The following CD82 variants were observed in gnomAD, a reference collection of about 807,000 sequenced individuals.
The protein encoded by CD82 is CD82 molecule, also known as CD82 antigen.
CD82 carries 36 observed loss-of-function variants against 37.4 expected under a neutral mutation model. The ratio of observed to expected loss-of-function variants is 0.96; its 90% CI spans 0.74 to 1.27. CD82 has a LOEUF of 1.27. CD82 is among the 50% of genes most tolerant of loss of function. The pLI, the probability that CD82 is intolerant of heterozygous loss-of-function variation, is 0.00. For synonymous variants in CD82, 158 were observed against 137.4 expected (o/e 1.15, Z -1.05); for missense variants, 340 against 347.0 (o/e 0.98, Z 0.16).
chr11:44,615,439 A>C, intron 7 of CD82, 66 bp downstream of exon 7: 2 of 960,180 alleles, frequency 2.1e-6, no homozygotes, highest in South Asian at 1.3e-5. Flanking sequence ...GGCTCTGTGC[A>C]CCCACATGTC....
chr11:44,613,215 T>A (rs3758815), intron 6 of CD82, among the ~76,000 whole-genome samples: 115,346 of 152,126 alleles, frequency 0.76, 44,137 homozygotes, highest in East Asian at 0.91. Flanking sequence ...CCCCACTGCC[T>A]TGACCAGTCC....
chr11:44,602,347 G>T (rs10838313), intron 4 of CD82, among the ~76,000 whole-genome samples: 2 of 152,138 alleles, frequency 1.3e-5, no homozygotes, highest in African/African-American at 4.8e-5. Context: ...AATGAGGATC[G>T]TAATAGAGTG....
At chr11:44,591,842 G>C (rs532271295) in intron 2 of CD82, among the ~76,000 whole-genome samples, 164 of 128,888 alleles carry the variant, frequency 1.3e-3, no homozygotes, top group African/African-American at 4.4e-3. Flanking sequence ...TATTTTTTTT[G>C]AGACAAAGTC....
rs778852327 is a variant in CD82, at chr11:44,605,440, C to T, written c.336+11C>T. The T allele has an allele frequency of 1.2e-6, 2 of 1,612,372 alleles. No homozygotes were observed. The highest frequency in any genetic ancestry group is 1.7e-6 in the Non-Finnish European group (2 of 1,178,398). ...TTCAACATGGGCAAGGTAAGCCCCT[C>T]TCTCCCTCCCTCTTCACTGGGCTGG... On this transcript the variant is annotated intron_variant, in intron 6 of 9. Transcript: ENST00000227155.
intron 3 of CD82, chr11:44,596,951 T>C: frequency 2.2e-6 from 1 of 456,190 alleles, no homozygotes; most frequent in Non-Finnish European, 4.4e-6. Flanking sequence ...CAGATGAGGC[T>C]CTTGGCCTGG....
Position 44,619,066 on chromosome 11 carries a change from G to T in CD82, c.744G>T (p.Leu248=). The stretch of plus-strand genomic sequence containing the variant: ...CCCCACAGCTCCTGGGGATGGTCCT[G>T]TCCATCTGCTTGTGCCGGCACGTCC... ...VAIIELLGMV[L]SICLCRHVHS... The change falls in exon 10 of 10, where the codon CTG becomes CTT. Residue 248 remains leucine, a synonymous_variant. Coordinates refer to ENST00000227155, the MANE Select transcript of CD82 (RefSeq NM_002231.4). The T allele has an allele frequency of 6.2e-7, 1 of 1,613,792 alleles. No individual in the cohort carries two copies. The highest frequency in any genetic ancestry group is 8.5e-7 in the Non-Finnish European group (1 of 1,179,958).
chr11:44,610,662 GTCTC>G (rs1853467510), intron 6 of CD82, among the ~76,000 whole-genome samples: 1 of 152,128 alleles, frequency 6.6e-6, no homozygotes, highest in Non-Finnish European at 1.5e-5. Flanking sequence ...GTCTGGTCAT[GTCTC>G]TGCTGCTTTC....
In CD82 at chr11:44,607,811, G is replaced by A. The variant is rs547728752; in HGVS notation, c.336+2382G>A. On this transcript the variant is annotated intron_variant, in intron 6 of 9. Coordinates refer to ENST00000227155, the MANE Select transcript of CD82 (RefSeq NM_002231.4). ...AGGCCCATGCCTCCCTATCCACCAC[G>A]CTGCCCTCCCGCCGGCTGGGTAACT... Among the ~76,000 whole-genome samples the A allele has an allele frequency of 3.9e-5, 6 of 152,246 alleles. No individual in the cohort carries two copies. In the South Asian group the frequency reaches 8.3e-4, roughly 21 times the overall value.
At position 44,597,183 on chromosome 11, in the gene CD82, GC is replaced by G. The variant is rs1344442515; in HGVS notation, c.63+2459del. 6.6e-6 allele frequency among the ~76,000 whole-genome samples: 1 copy of G among 152,228 alleles called. No homozygotes were observed. The highest frequency in any genetic ancestry group is 1.5e-5 in the Non-Finnish European group (1 of 68,042). On this transcript the variant is annotated intron_variant, in intron 3 of 9. Transcript: ENST00000227155. The surrounding 1 kb of genome is among the most constrained non-coding windows in gnomAD (Gnocchi z 4.1). ...TGTGTGCTCGCGCCTGCGTGCATGT[GC>G]ACCTGTATGTCTTTGCCTGTACTCC...
intron 2 of CD82, among the ~76,000 whole-genome samples, chr11:44,594,337 C>T (rs1565087490): frequency 2.6e-5 from 4 of 152,122 alleles, no homozygotes; most frequent in African/African-American, 7.2e-5. Context: ...AGTTCCAGAG[C>T]CTGGGTCATG....
intron 3 of CD82, among the ~76,000 whole-genome samples, chr11:44,595,762 C>G (rs1218694897): frequency 1.3e-5 from 2 of 151,564 alleles, no homozygotes; most frequent in Non-Finnish European, 2.9e-5. Flanking sequence ...GGGAAATAAA[C>G]AAGAATCATT....
chr11:44,597,091 G>C lies in CD82; in HGVS notation c.63+2366G>C. ...ATAGACCCGGCCAGCCTGCCTCTTTGTTTTATGCACATTGGGAGGGGTTTC... is the reference window on the plus strand; with the variant it reads ...ATAGACCCGGCCAGCCTGCCTCTTTCTTTTATGCACATTGGGAGGGGTTTC... On this transcript the variant is annotated intron_variant, in intron 3 of 9. Transcript: ENST00000227155. The surrounding 1 kb of genome is among the most constrained non-coding windows in gnomAD (Gnocchi z 4.1). The C allele has an allele frequency of 6.6e-6, 3 of 451,288 alleles. No homozygotes were observed. Among genetic ancestry groups the C allele is most frequent in the South Asian group, 4.7e-5 (3 of 64,386 alleles). 28.0% of individuals were successfully genotyped at this position (451,288 alleles called of 1,614,324 possible).
chr11:44,580,928 G>A (rs137855166), intron 1 of CD82, among the ~76,000 whole-genome samples: 2 of 152,138 alleles, frequency 1.3e-5, no homozygotes, highest in African/African-American at 2.4e-5. Context: ...GGAGGGGAAG[G>A]CATGATGTGA....
Position 44,618,621 on chromosome 11 carries a change from C to T in CD82, c.643-19C>T, listed in dbSNP as rs201733300. 1.2e-5 allele frequency: 19 copies of T among 1,599,432 alleles called. No homozygotes were observed. The Admixed American group carries it at 2.5e-4, about 21-fold the overall frequency. ...GATGGTGCAGAGCGGGGTGATGTGA[C>T]CGCATTCTGCCCTTGCAGGGCTGCA... On this transcript the variant is annotated intron_variant, in intron 8 of 9. Coordinates refer to ENST00000227155, the MANE Select transcript of CD82 (RefSeq NM_002231.4).
chr11:44,584,118 C>T (rs1361019726), intron 1 of CD82, among the ~76,000 whole-genome samples: 1 of 152,126 alleles, frequency 6.6e-6, no homozygotes, highest in Non-Finnish European at 1.5e-5. Flanking sequence ...GACCCCAAAG[C>T]TCCTTCCATG....
Position 44,599,161 on chromosome 11 carries a change from G to C in CD82, c.64-997G>C, listed in dbSNP as rs566957268. 1.2e-3 allele frequency among the ~76,000 whole-genome samples: 179 copies of C among 152,258 alleles called. 1 individual carries two copies. The highest frequency in any genetic ancestry group is 4.2e-3 in the African/African-American group (173 of 41,544). ...CTCATTCATTTTTTCCTTTTTGTGGGGGGCAGAGTGAGGGGGTCTTGCCCT... is the reference window on the plus strand; with the variant it reads ...CTCATTCATTTTTTCCTTTTTGTGGCGGGCAGAGTGAGGGGGTCTTGCCCT... On this transcript the variant is annotated intron_variant, in intron 3 of 9. Transcript: ENST00000227155.
At chr11:44,594,788 G>A (rs1853197791) in intron 3 of CD82, 63 bp downstream of exon 3, 1 of 1,413,110 alleles carries the variant, frequency 7.1e-7, no homozygotes. Context: ...GGGCATCCCA[G>A]CCTGAGCCTT....
intron 1 of CD82, among the ~76,000 whole-genome samples, chr11:44,585,655 G>T (rs1853043654): frequency 6.6e-6 from 1 of 152,216 alleles, no homozygotes; most frequent in East Asian, 1.9e-4. Flanking sequence ...GCAGAGCCAG[G>T]GGTGGGAGCC....
At chr11:44,602,106 G>C (rs551365954) in intron 4 of CD82, among the ~76,000 whole-genome samples, 1 of 152,316 alleles carries the variant, frequency 6.6e-6, no homozygotes, top group South Asian at 2.1e-4. Context: ...AAGCTGGTAG[G>C]GGAGCTGGCT....
Sources: allele counts gnomAD v4.1 joint callset (sites outside exome capture counted in the v4.1 genomes callset), GRCh38; gene constraint gnomAD v4.1.1; non-coding constraint Gnocchi (gnomAD v3.1); transcripts MANE v1.5; gene names NCBI Gene and HGNC (gene_info 2026-07-23, HGNC 2026-07-21).